Variants in BRD1 observed in about 807,000 individuals in gnomAD.
The protein encoded by BRD1 is bromodomain containing 1.
A neutral mutation model predicts 107.7 loss-of-function variants in BRD1; 24 were observed. That is an observed-to-expected ratio of 0.22 (90% CI 0.16 to 0.31). The LOEUF is 0.31. Among genes scored for constraint, BRD1 ranks in the 10% least tolerant of loss-of-function variants. BRD1 has a pLI of 1.00. For synonymous variants in BRD1, 744 were observed against 686.1 expected (o/e 1.08, Z -1.32); for missense variants, 1,279 against 1,638.6 (o/e 0.78, Z 3.79).
At chr22:49,787,972 C>A in intron 7 of BRD1, 85 bp from the exon 8 acceptor site, 1 of 1,234,160 alleles carries the variant, frequency 8.1e-7, no homozygotes, top group Non-Finnish European at 1.1e-6. Context: ...TGAAGTCCAC[C>A]AAAATACTAA....
chr22:49,810,134 AAGAAAG>A lies in BRD1; in HGVS notation c.1368-5780_1368-5775del, dbSNP rs1195166389. Among the ~76,000 whole-genome samples the A allele has an allele frequency of 2.6e-5, 4 of 152,204 alleles. 1 individual carries two copies. The highest frequency in any genetic ancestry group is 7.2e-5 in the African/African-American group (3 of 41,450). On this transcript the variant is annotated intron_variant, in intron 2 of 12. Transcript: ENST00000404760. Reference sequence around the variant, plus strand: ...AAAAAATTAATTTGGTTAAAAAAGAAAGAAAGAGAAAGAAAGAAAGCGAGCGAGCAA... The same window carrying A: ...AAAAAATTAATTTGGTTAAAAAAGAAAGAAAGAAAGAAAGCGAGCGAGCAA...
chr22:49,798,768 G>A, intron 4 of BRD1, 82 bp from the exon 5 acceptor site: 1 of 1,466,658 alleles, frequency 6.8e-7, no homozygotes, highest in Non-Finnish European at 9.0e-7. Context: ...GCCACAAGCA[G>A]CCCCCACAGG....
intron 3 of BRD1, among the ~76,000 whole-genome samples, chr22:49,800,303 T>C (rs944095905): frequency 6.6e-6 from 1 of 152,072 alleles, no homozygotes; most frequent in Non-Finnish European, 1.5e-5. Context: ...AGGCAGAGCG[T>C]TGCTGCGCTG....
At chr22:49,821,718 G>A (rs2060069915) in intron 2 of BRD1, among the ~76,000 whole-genome samples, 1 of 152,080 alleles carries the variant, frequency 6.6e-6, no homozygotes, top group Non-Finnish European at 1.5e-5. Context: ...AGCTCAGCCT[G>A]CATGCGTCCC....
At chr22:49,817,945 A>G (rs974931083) in intron 2 of BRD1, among the ~76,000 whole-genome samples, 5 of 152,150 alleles carry the variant, frequency 3.3e-5, no homozygotes, top group African/African-American at 1.2e-4. Context: ...CAGTGTTAGG[A>G]TTACTAGCCT....
At chr22:49,819,209 G>A (rs942805719) in intron 2 of BRD1, among the ~76,000 whole-genome samples, 27 of 152,086 alleles carry the variant, frequency 1.8e-4, no homozygotes, top group Admixed American at 3.3e-4. Context: ...GCAGTGAGCC[G>A]AGATTATGCC....
chr22:49,824,532 G>GT lies in BRD1; in HGVS notation c.-14-202dup, dbSNP rs2060125571. ...CCCCAGGACCAGGGAGGGAGCAGCA[G>GT]TAACAGGCAGAGAGGCAGCCTGAGG... On this transcript the variant is annotated intron_variant, in intron 1 of 12. Transcript: ENST00000404760. The surrounding 1 kb of genome is among the most constrained non-coding windows in gnomAD (Gnocchi z 5.9). 1.4e-5 allele frequency: 19 copies of GT among 1,400,440 alleles called. No homozygotes were observed. The South Asian group carries it at 2.9e-4, about 22-fold the overall frequency. 86.8% of individuals were successfully genotyped at this position (1,400,440 alleles called of 1,614,324 possible).
chr22:49,777,096 C>T lies in BRD1; in HGVS notation c.3059G>A (p.Arg1020His), dbSNP rs757367533. Residue 1020 changes from arginine to histidine, a missense_variant, in exon 10 of 13, where the codon CGC becomes CAC. Transcript: ENST00000404760. ...CTCGATGCAGGAGATCAGCTCACTG[C>T]GGTCCTCCAGCGTGTGCCGTCGCAC... ...ALVRRHTLED[R>H]SELISCIENG... The T allele has an allele frequency of 5.0e-6, 8 of 1,613,380 alleles. No homozygotes were observed. Among genetic ancestry groups the T allele is most frequent in the East Asian group, 4.5e-5 (2 of 44,888 alleles).
chr22:49,782,580 G>A (rs2059233117), intron 8 of BRD1, among the ~76,000 whole-genome samples: 1 of 143,624 alleles, frequency 7.0e-6, no homozygotes, highest in African/African-American at 2.6e-5. Context: ...CTCGCTCCGT[G>A]ACAATGCAGC....
intron 6 of BRD1, among the ~76,000 whole-genome samples, chr22:49,795,180 C>G (rs959382616): frequency 1.3e-5 from 2 of 152,218 alleles, no homozygotes; most frequent in African/African-American, 4.8e-5. Context: ...ATAGATAATA[C>G]TCAAAAATGT....
chr22:49,797,720 G>T, intron 6 of BRD1, 85 bp downstream of exon 6: 2 of 1,413,694 alleles, frequency 1.4e-6, no homozygotes, highest in Non-Finnish European at 9.4e-7. Context: ...GGACCATGCT[G>T]ATAGGGAGCT....
At chr22:49,790,673 C>G (rs999601819) in intron 7 of BRD1, among the ~76,000 whole-genome samples, 1 of 152,236 alleles carries the variant, frequency 6.6e-6, no homozygotes, top group Non-Finnish European at 1.5e-5. Flanking sequence ...AAAATCACAG[C>G]GTAACACAGG....
chr22:49,815,433 T>C (rs2059931104), intron 2 of BRD1, among the ~76,000 whole-genome samples: 1 of 151,934 alleles, frequency 6.6e-6, no homozygotes, highest in South Asian at 2.1e-4. Context: ...ATTCCGGCTA[T>C]TCGGGAGGCT....
intron 1 of BRD1, among the ~76,000 whole-genome samples, chr22:49,827,146 C>G (rs1406623362): frequency 6.6e-6 from 1 of 151,542 alleles, no homozygotes; most frequent in African/African-American, 2.4e-5. Context: ...CCCGACCCGA[C>G]TCGAGCGCGG....
intron 1 of BRD1, among the ~76,000 whole-genome samples, chr22:49,825,441 G>A (rs746299907): frequency 2.0e-5 from 3 of 152,100 alleles, no homozygotes; most frequent in Non-Finnish European, 4.4e-5. Context: ...CCAGCTCCTC[G>A]TGGCAGAGGC....
At position 49,792,866 on chromosome 22, in the gene BRD1, G is replaced by A. The variant is rs17001302; in HGVS notation, c.2359+1168C>T. On this transcript the variant is annotated intron_variant, in intron 7 of 12. Coordinates refer to ENST00000404760, the MANE Select transcript of BRD1 (RefSeq NM_001304808.3). This position sits in a 1 kb window ranked among gnomAD's most constrained non-coding sequence, Gnocchi z 4.2. Reference sequence around the variant, plus strand: ...AAGGGGCGAAGCTCTGCAGACAGGAGCCACAAGAAGTTCAGGGGATGAAAA... The same window carrying A: ...AAGGGGCGAAGCTCTGCAGACAGGAACCACAAGAAGTTCAGGGGATGAAAA... Among the ~76,000 whole-genome samples, 4,925 of 152,270 alleles carry A rather than the reference G, an allele frequency of 0.032. 179 individuals are homozygous for A. Among genetic ancestry groups the A allele is most frequent in the African/African-American group, 0.083 (3,436 of 41,532 alleles).
rs1315283802 is a variant in BRD1 at position 49,827,782 on chromosome 22, G to GC, written c.-301_-300insG. Among the ~76,000 whole-genome samples the GC allele has an allele frequency of 9.8e-5, 14 of 143,588 alleles. No individual in the cohort carries two copies. Among genetic ancestry groups the GC allele is most frequent in the African/African-American group, 2.8e-4 (11 of 39,816 alleles). The allele number at this position is 143,588 out of a possible 152,430, so 94.2% of individuals were successfully genotyped here. ...CCGGCGGGCGCGGGCGCGGGCGCGG[G>GC]AGCGGGCGGCGGGCGGCGGGCGCGG... On this transcript the variant is annotated 5_prime_UTR_variant, in exon 1 of 13. Coordinates refer to ENST00000404760, the MANE Select transcript of BRD1 (RefSeq NM_001304808.3).
rs1288149543 is a variant in BRD1, at chr22:49,823,777, C to T, written c.541G>A (p.Val181Met). 6 of 1,613,994 alleles carry T rather than the reference C, an allele frequency of 3.7e-6. No homozygotes were observed. Among genetic ancestry groups the T allele is most frequent in the East Asian group, 4.5e-5 (2 of 44,896 alleles). ...AGGAACTCAAACATGCTCTGCGACA[C>T]GGCGGGGACGCAGTCGCCCTTGCGC... Reference protein sequence around the residue: ...EKRKGDCVPAVSQSMFEFLMD... With the variant: ...EKRKGDCVPAMSQSMFEFLMD... The change falls in exon 2 of 13, where the codon GTG becomes ATG. Residue 181 changes from valine (V) to methionine (M), a missense_variant. Coordinates refer to ENST00000404760, the MANE Select transcript of BRD1 (RefSeq NM_001304808.3).
intron 2 of BRD1, among the ~76,000 whole-genome samples, chr22:49,814,791 G>A (rs1267716843): frequency 2.0e-5 from 3 of 152,274 alleles, no homozygotes; most frequent in Non-Finnish European, 2.9e-5. Flanking sequence ...AATCTGCCCC[G>A]CTGTCCCCAG....
Sources: allele counts gnomAD v4.1 joint callset (sites outside exome capture counted in the v4.1 genomes callset), GRCh38; gene constraint gnomAD v4.1.1; non-coding constraint Gnocchi (gnomAD v3.1); transcripts MANE v1.5; gene names NCBI Gene and HGNC (gene_info 2026-07-23, HGNC 2026-07-21).